MYO1D: variants seen among roughly 807,000 people sequenced by gnomAD.
The protein encoded by MYO1D is unconventional myosin-Id.
MYO1D carries 83 observed loss-of-function variants against 122.0 expected under a neutral mutation model. The ratio of observed to expected loss-of-function variants is 0.68; its 90% CI spans 0.57 to 0.82. MYO1D has a LOEUF of 0.82. Ranked by LOEUF, MYO1D falls within the 40% of genes least tolerant of loss-of-function variation. The pLI, the probability that MYO1D is intolerant of heterozygous loss-of-function variation, is 0.00. For missense variants in MYO1D, 1,157 were observed against 1,269.5 expected (o/e 0.91, Z 1.35); for synonymous variants, 464 against 446.9 (o/e 1.04, Z -0.48).
At chr17:32,576,077 A>C (rs182511135) in intron 21 of MYO1D, among the ~76,000 whole-genome samples, 1 of 152,228 alleles carries the variant, frequency 6.6e-6, no homozygotes, top group Non-Finnish European at 1.5e-5. Flanking sequence ...AGTAGACTTC[A>C]AGAACAAAAT....
chr17:32,669,465 G>A lies in MYO1D; in HGVS notation c.2122-10127C>T, dbSNP rs1401959688. Among the ~76,000 whole-genome samples, 4 of 152,120 alleles carry A rather than the reference G, an allele frequency of 2.6e-5. No homozygotes were observed. The East Asian group carries it at 7.7e-4, about 29-fold the overall frequency. Reference sequence around the variant, plus strand: ...ACATTTTATTGCCTTTCTTTAAAATGGTATATAAGACCCTGAGTCTACCAC... The same window carrying A: ...ACATTTTATTGCCTTTCTTTAAAATAGTATATAAGACCCTGAGTCTACCAC... On this transcript the variant is annotated intron_variant, in intron 16 of 21. Coordinates refer to ENST00000318217, the MANE Select transcript of MYO1D (RefSeq NM_015194.3).
At chr17:32,530,329 A>C (rs1009873330) in intron 21 of MYO1D, among the ~76,000 whole-genome samples, 2 of 152,246 alleles carry the variant, frequency 1.3e-5, no homozygotes, top group Admixed American at 1.3e-4. Context: ...AAGCCCTTTA[A>C]AACTATAATA....
chr17:32,666,077 C>T (rs1465414576), intron 16 of MYO1D, among the ~76,000 whole-genome samples: 1 of 152,186 alleles, frequency 6.6e-6, no homozygotes, highest in Non-Finnish European at 1.5e-5. Context: ...AACTTCTTGC[C>T]ATCTATCAGA....
At chr17:32,769,149 T>C (rs1169991614) in intron 6 of MYO1D, among the ~76,000 whole-genome samples, 1 of 152,090 alleles carries the variant, frequency 6.6e-6, no homozygotes, top group African/African-American at 2.4e-5. Flanking sequence ...TGAGGGAAAG[T>C]GTTTATGGGG....
At chr17:32,670,639 C>T (rs981253624) in intron 16 of MYO1D, among the ~76,000 whole-genome samples, 1 of 152,204 alleles carries the variant, frequency 6.6e-6, no homozygotes, top group East Asian at 1.9e-4. Context: ...TTTGATTGAT[C>T]CCCACCTTTC....
chr17:32,646,621 G>T (rs962959678), intron 19 of MYO1D, among the ~76,000 whole-genome samples: 12 of 152,146 alleles, frequency 7.9e-5, no homozygotes, highest in African/African-American at 2.9e-4. Flanking sequence ...TAGGTCCCAT[G>T]TCCTTTTATA....
intron 1 of MYO1D, among the ~76,000 whole-genome samples, chr17:32,844,286 TCATATGTATATATTATAATATG>T (rs1378535625): frequency 6.8e-6 from 1 of 146,666 alleles, no homozygotes; most frequent in Non-Finnish European, 1.5e-5. Context: ...GATATATATA[TCATATGTATATATTATAATATG>T]CATATGTATA....
chr17:32,726,648 AG>A (rs1253268710), intron 14 of MYO1D, among the ~76,000 whole-genome samples: 1 of 149,452 alleles, frequency 6.7e-6, no homozygotes, highest in Non-Finnish European at 1.5e-5. Context: ...TAGATCATAT[AG>A]GTATAAATAG....
At chr17:32,733,411 G>T (rs576120776) in intron 14 of MYO1D, among the ~76,000 whole-genome samples, 4 of 152,324 alleles carry the variant, frequency 2.6e-5, no homozygotes, top group Admixed American at 1.3e-4. Context: ...CAGATAGTAT[G>T]AGTTTGGGTT....
At chr17:32,543,305 G>T (rs892123001) in intron 21 of MYO1D, among the ~76,000 whole-genome samples, 2 of 151,546 alleles carry the variant, frequency 1.3e-5, no homozygotes, top group African/African-American at 2.4e-5. Flanking sequence ...GGCTGGGTGT[G>T]GTGGCTCACA....
intron 1 of MYO1D, among the ~76,000 whole-genome samples, chr17:32,783,567 G>A (rs933803297): frequency 2.0e-5 from 3 of 152,120 alleles, no homozygotes; most frequent in Non-Finnish European, 2.9e-5. Context: ...AAAGATAGTG[G>A]CAAATATTAA....
At chr17:32,639,752 T>G (rs1043383133) in intron 19 of MYO1D, among the ~76,000 whole-genome samples, 1 of 152,092 alleles carries the variant, frequency 6.6e-6, no homozygotes, top group Non-Finnish European at 1.5e-5. Context: ...CACTACGATA[T>G]CATGTTTTTC....
chr17:32,700,587 C>A (rs536844241), intron 16 of MYO1D, among the ~76,000 whole-genome samples: 16 of 152,148 alleles, frequency 1.1e-4, no homozygotes, highest in African/African-American at 3.1e-4. Flanking sequence ...AACTGATTGC[C>A]TCTGCTCTTT....
At chr17:32,641,338 T>G (rs1163539304) in intron 19 of MYO1D, among the ~76,000 whole-genome samples, 2 of 151,774 alleles carry the variant, frequency 1.3e-5, no homozygotes, top group Non-Finnish European at 2.9e-5. Context: ...TCTATCATTG[T>G]TGGACATTTG....
rs899880554 is a variant in MYO1D at position 32,718,668 on chromosome 17, C to A, written c.1913+2355G>T. On this transcript the variant is annotated intron_variant, in intron 15 of 21. Coordinates refer to ENST00000318217, the MANE Select transcript of MYO1D (RefSeq NM_015194.3). ...TGAGCTGAGATGGCGCCACTGTACT[C>A]CAGCTTGGGTGACAGAGCAAGACCC... Among the ~76,000 whole-genome samples the A allele has an allele frequency of 2.6e-5, 4 of 152,144 alleles. 1 individual carries two copies. Among genetic ancestry groups the A allele is most frequent in the Admixed American group, 2.6e-4 (4 of 15,280 alleles).
At chr17:32,797,591 C>T (rs1225325722) in intron 1 of MYO1D, among the ~76,000 whole-genome samples, 1 of 151,948 alleles carries the variant, frequency 6.6e-6, no homozygotes, top group Non-Finnish European at 1.5e-5. Flanking sequence ...TCTTACTGTG[C>T]CTAAATTAAA....
intron 1 of MYO1D, among the ~76,000 whole-genome samples, chr17:32,824,144 G>C (rs1462235185): frequency 6.6e-6 from 1 of 151,010 alleles, no homozygotes; most frequent in African/African-American, 2.4e-5. Context: ...AAACATATCT[G>C]TCATGTCAAT....
intron 1 of MYO1D, among the ~76,000 whole-genome samples, chr17:32,845,249 A>G (rs2090925428): frequency 6.6e-6 from 1 of 152,182 alleles, no homozygotes; most frequent in Non-Finnish European, 1.5e-5. Flanking sequence ...AACCTTTTTA[A>G]TAACTAAAAA....
intron 21 of MYO1D, among the ~76,000 whole-genome samples, chr17:32,560,107 T>C (rs1597897678): frequency 6.6e-6 from 1 of 151,936 alleles, no homozygotes; most frequent in African/African-American, 2.4e-5. Flanking sequence ...AATACAAAAT[T>C]AGCCAGGTGT....
Sources: allele counts gnomAD v4.1 joint callset (sites outside exome capture counted in the v4.1 genomes callset), GRCh38; gene constraint gnomAD v4.1.1; transcripts MANE v1.5; gene names NCBI Gene and HGNC (gene_info 2026-07-23, HGNC 2026-07-21).